PLCG1: variants seen among roughly 807,000 people sequenced by gnomAD.
The protein encoded by PLCG1 is phospholipase C gamma 1.
A neutral mutation model predicts 177.8 loss-of-function variants in PLCG1; 71 were observed. The observed-to-expected ratio is 0.40, with a 90% confidence interval of 0.33 to 0.49. PLCG1 has a LOEUF of 0.49. Ranked by LOEUF, PLCG1 falls within the 20% of genes least tolerant of loss-of-function variation. PLCG1 has a pLI of 0.72. For synonymous variants in PLCG1, 658 were observed against 647.9 expected, an observed-to-expected ratio of 1.02 and a Z score of -0.24; for missense variants, 1,281 against 1,709.0, an observed-to-expected ratio of 0.75 and a Z score of 4.42.
chr20:41,161,804 C>A (rs1428401518), intron 4 of PLCG1, among the ~76,000 whole-genome samples: 2 of 149,314 alleles, frequency 1.3e-5, no homozygotes, highest in African/African-American at 4.9e-5. Flanking sequence ...CCAGCAGTGT[C>A]CCCAGCCTCA....
intron 1 of PLCG1, among the ~76,000 whole-genome samples, chr20:41,145,583 G>A (rs547473479): frequency 9.2e-5 from 14 of 152,238 alleles, no homozygotes; most frequent in Admixed American, 5.2e-4. Flanking sequence ...TGAGTTTCTC[G>A]CTACTTCTGC....
intron 1 of PLCG1, among the ~76,000 whole-genome samples, chr20:41,140,563 A>G (rs2034789780): frequency 6.6e-6 from 1 of 152,140 alleles, no homozygotes; most frequent in South Asian, 2.1e-4. Context: ...GAGCACTCAT[A>G]CTGATATGTA....
In PLCG1 at chr20:41,163,759, G is replaced by A. The variant is rs1489399022; in HGVS notation, c.936G>A (p.Ser312=). 6.2e-7 allele frequency: 1 copy of A among 1,613,566 alleles called. No homozygotes were observed. Among genetic ancestry groups the A allele is most frequent in the East Asian group, 2.2e-5 (1 of 44,848 alleles). ...LFSKENSVWN[S]QLDAVCPDTM... ...CCAAAGAGAACAGTGTGTGGAACTC[G>A]CAGCTGGATGCAGTATGCCCGGACA... Residue 312 remains serine (S), a synonymous_variant, in exon 10 of 32, where the codon TCG becomes TCA. Coordinates refer to ENST00000685551, the MANE Select transcript of PLCG1 (RefSeq NM_002660.3). The surrounding 1 kb of genome is among the most constrained non-coding windows in gnomAD (Gnocchi z 5.2).
intron 1 of PLCG1, among the ~76,000 whole-genome samples, chr20:41,139,092 T>C (rs1378320797): frequency 2.0e-5 from 3 of 152,078 alleles, no homozygotes; most frequent in African/African-American, 4.8e-5. Flanking sequence ...TGTGTGTAGA[T>C]AGTTGAGGAG....
rs2035456720 is a variant in PLCG1 at position 41,160,367 on chromosome 20, T to G, written c.512+214T>G. Among the ~76,000 whole-genome samples, 2 of 152,214 alleles carry G rather than the reference T, an allele frequency of 1.3e-5. No individual in the cohort carries two copies. Among genetic ancestry groups the G allele is most frequent in the Admixed American group, 1.3e-4 (2 of 15,284 alleles). On this transcript the variant is annotated intron_variant, in intron 4 of 31. Transcript: ENST00000685551. The surrounding 1 kb of genome is among the most constrained non-coding windows in gnomAD (Gnocchi z 5.5). ...CTGGTGAGAGGAGCCAGCCACATGC[T>G]GTGTGCCCTGCCACTATGGGCAGAG...
At position 41,166,004 on chromosome 20, in the gene PLCG1, CCCCT is replaced by C. The variant is rs2035678389; in HGVS notation, c.1799+183_1800-182del. The C allele has an allele frequency of 1.1e-5, 6 of 554,180 alleles. No homozygotes were observed. In the East Asian group the frequency reaches 3.2e-4, roughly 29 times the overall value. 34.3% of individuals were successfully genotyped at this position (554,180 alleles called of 1,614,324 possible). On this transcript the variant is annotated intron_variant, in intron 16 of 31. Coordinates refer to ENST00000685551, the MANE Select transcript of PLCG1 (RefSeq NM_002660.3). The surrounding 1 kb of genome is among the most constrained non-coding windows in gnomAD (Gnocchi z 8.6). ...CTCTCTGTCTCACCCCCCCCCCATA[CCCCT>C]CCCTTTTCGGTTCATTTGAAGCCCA...
In PLCG1 at chr20:41,173,129, GA is replaced by G. The variant is rs1056351026; in HGVS notation, c.3279+253del. On this transcript the variant is annotated intron_variant, in intron 27 of 31. Transcript: ENST00000685551. This position sits in a 1 kb window ranked among gnomAD's most constrained non-coding sequence, Gnocchi z 6.2. ...ATGAGATCTTTTTTTTCCCTAAGGG[GA>G]GGTCATTTAAAAGATTTCTGTGTTA... Among the ~76,000 whole-genome samples the G allele has an allele frequency of 4.6e-5, 7 of 152,242 alleles. No homozygotes were observed. The highest frequency in any genetic ancestry group is 7.4e-5 in the Non-Finnish European group (5 of 68,020).
chr20:41,157,227 TG>T lies in PLCG1; in HGVS notation c.218-2378del, dbSNP rs2035351997. On this transcript the variant is annotated intron_variant, in intron 1 of 31. Coordinates refer to ENST00000685551, the MANE Select transcript of PLCG1 (RefSeq NM_002660.3). The surrounding 1 kb of genome is among the most constrained non-coding windows in gnomAD (Gnocchi z 5.4). Reference sequence around the variant, plus strand: ...CTCTGTGTGTGTGTGTGTGTGTGTGTGTGTGTGTGTGTGTACAGTCACACTC... The same window carrying T: ...CTCTGTGTGTGTGTGTGTGTGTGTGTTGTGTGTGTGTGTACAGTCACACTC... Among the ~76,000 whole-genome samples, 1 of 151,362 alleles carries T rather than the reference TG, an allele frequency of 6.6e-6. No homozygotes were observed. Among genetic ancestry groups the T allele is most frequent in the Admixed American group, 6.6e-5 (1 of 15,190 alleles).
intron 1 of PLCG1, among the ~76,000 whole-genome samples, chr20:41,141,259 T>C (rs914169455): frequency 1.2e-4 from 19 of 152,254 alleles, no homozygotes; most frequent in Admixed American, 1.3e-4. Flanking sequence ...TGTCTTTGGC[T>C]GATCCTTCAC....
At position 41,148,058 on chromosome 20, in the gene PLCG1, T is replaced by G. The variant is rs1035442460; in HGVS notation, c.217+10200T>G. Among the ~76,000 whole-genome samples, 14 of 152,164 alleles carry G rather than the reference T, an allele frequency of 9.2e-5. No individual in the cohort carries two copies. Among genetic ancestry groups the G allele is most frequent in the Admixed American group, 9.2e-4 (14 of 15,286 alleles). ...TGCTGTGGCGGCTGGGTCAAGTAGCTCTAAAACAGGAGAGCCTAGTGGGTT... is the reference window on the plus strand; with the variant it reads ...TGCTGTGGCGGCTGGGTCAAGTAGCGCTAAAACAGGAGAGCCTAGTGGGTT... On this transcript the variant is annotated intron_variant, in intron 1 of 31. Coordinates refer to ENST00000685551, the MANE Select transcript of PLCG1 (RefSeq NM_002660.3). The surrounding 1 kb of genome is among the most constrained non-coding windows in gnomAD (Gnocchi z 4.3).
chr20:41,150,363 C>T lies in PLCG1; in HGVS notation c.218-9243C>T, dbSNP rs1024464183. On this transcript the variant is annotated intron_variant, in intron 1 of 31. Transcript: ENST00000685551. The surrounding 1 kb of genome is among the most constrained non-coding windows in gnomAD (Gnocchi z 4.0). ...CCCATTGCTCTGGTTCTCCAAGTAG[C>T]CTGAGTGTACTATGTGGGGGAGCAT... Among the ~76,000 whole-genome samples, 4 of 152,150 alleles carry T rather than the reference C, an allele frequency of 2.6e-5. No homozygotes were observed. The highest frequency in any genetic ancestry group is 2.6e-4 in the Admixed American group (4 of 15,276).
At chr20:41,145,051 T>C (rs2034954813) in intron 1 of PLCG1, among the ~76,000 whole-genome samples, 1 of 152,200 alleles carries the variant, frequency 6.6e-6, no homozygotes, top group Admixed American at 6.5e-5. Context: ...GATAAAATTC[T>C]TATAGGATTT....
Position 41,166,150 on chromosome 20 carries a change from C to T in PLCG1, c.1800-44C>T. The stretch of plus-strand genomic sequence containing the variant: ...GGGGTGGAACTTGGTCTTTGGGGCC[C>T]TGGCCTGTTTTCCCCAGCCTCCCTC... On this transcript the variant is annotated intron_variant, in intron 16 of 31. Coordinates refer to ENST00000685551, the MANE Select transcript of PLCG1 (RefSeq NM_002660.3). This position sits in a 1 kb window ranked among gnomAD's most constrained non-coding sequence, Gnocchi z 8.6. 1 of 1,563,834 alleles carries T rather than the reference C, an allele frequency of 6.4e-7. No homozygotes were observed. Among genetic ancestry groups the T allele is most frequent in the Non-Finnish European group, 8.8e-7 (1 of 1,142,718 alleles).
Position 41,169,483 on chromosome 20 carries a change from G to T in PLCG1, c.2607G>T (p.Gly869=). ...REHLDENSPL[G]DLLRGVLDVP... is the part of the protein sequence containing the mutation. ...ACTTGGACGAGAACAGCCCCCTAGG[G>T]GACTTGCTGCGGGGGGTCTTGGATG... is the stretch of plus-strand genomic sequence containing the variant. The change falls in exon 23 of 32, where the codon GGG becomes GGT. Residue 869 remains glycine, a synonymous_variant. Transcript: ENST00000685551. The T allele has an allele frequency of 1.2e-6, 2 of 1,613,782 alleles. No individual in the cohort carries two copies. The highest frequency in any genetic ancestry group is 3.3e-5 in the Admixed American group (2 of 60,010).
chr20:41,140,637 C>A (rs2034793097), intron 1 of PLCG1, among the ~76,000 whole-genome samples: 2 of 152,168 alleles, frequency 1.3e-5, no homozygotes, highest in Non-Finnish European at 1.5e-5. Context: ...GAGCTGACAC[C>A]TCCTGATTTC....
In PLCG1 at chr20:41,165,537, G is replaced by A. The variant is rs2035653878; in HGVS notation, c.1597G>A (p.Glu533Lys). The A allele has an allele frequency of 6.2e-7, 1 of 1,613,964 alleles. No individual in the cohort carries two copies. Among genetic ancestry groups the A allele is most frequent in the Non-Finnish European group, 8.5e-7 (1 of 1,179,866 alleles). ...CAGTGACCAGGGCAACGAGGATGAGGAGGAGCCCAAGGAGGTGAGGAACCA... is the reference window on the plus strand; with the variant it reads ...CAGTGACCAGGGCAACGAGGATGAGAAGGAGCCCAAGGAGGTGAGGAACCA... Reference protein sequence around the residue: ...TSSDQGNEDEEEPKEVSSSTE... With the variant: ...TSSDQGNEDEKEPKEVSSSTE... Residue 533 changes from glutamate to lysine, a missense_variant, in exon 15 of 32, where the codon GAG becomes AAG. Physicochemically the swap from Glu to Lys is moderately conservative, Grantham distance 56. This residue lies in a region of PLCG1 where 723 missense variants were observed against 1,030.0 expected (regional missense o/e 0.70). Coordinates refer to ENST00000685551, the MANE Select transcript of PLCG1 (RefSeq NM_002660.3). The surrounding 1 kb of genome is among the most constrained non-coding windows in gnomAD (Gnocchi z 6.6).
intron 4 of PLCG1, chr20:41,162,235 GTTTT>G (rs11426520): frequency 5.5e-4 from 79 of 143,630 alleles, no homozygotes; most frequent in Middle Eastern, 2.7e-3. Flanking sequence ...TTTTGTTTTT[GTTTT>G]TTTTTTTTTT....
chr20:41,168,933 C>T (rs1425805449), intron 21 of PLCG1, 63 bp downstream of exon 21: 21 of 1,243,036 alleles, frequency 1.7e-5, no homozygotes, highest in South Asian at 9.7e-5. Context: ...GCCCCAAAGA[C>T]ATGCATTTGT....
rs983394798 is a variant in PLCG1 at position 41,167,760 on chromosome 20, TG to T, written c.2302-87del. The stretch of plus-strand genomic sequence containing the variant: ...TGGATCAGGTGCAAGTTTGCTGCAC[TG>T]GGGGAAAGGGAAGCTGCTCCAGAAA... On this transcript the variant is annotated intron_variant, in intron 19 of 31. Coordinates refer to ENST00000685551, the MANE Select transcript of PLCG1 (RefSeq NM_002660.3). The surrounding 1 kb of genome is among the most constrained non-coding windows in gnomAD (Gnocchi z 4.4). 11 of 902,446 alleles carry T rather than the reference TG, an allele frequency of 1.2e-5. No individual in the cohort carries two copies. The South Asian group carries it at 1.4e-4, about 11-fold the overall frequency. The allele number at this position is 902,446 out of a possible 1,614,324, so 55.9% of individuals were successfully genotyped here.
Sources: gnomAD v4.1 joint callset for allele counts (sites outside exome capture counted in the v4.1 genomes callset) on GRCh38, gnomAD v4.1.1 for gene constraint, gnomAD v4.1.1 regional missense constraint, Gnocchi (gnomAD v3.1) non-coding constraint, MANE v1.5 for transcripts, NCBI Gene and HGNC (gene_info 2026-07-23, HGNC 2026-07-21) for gene names.